Variants in CHCHD6 observed in about 807,000 individuals in gnomAD.
The protein encoded by CHCHD6 is MICOS complex subunit MIC25.
CHCHD6 carries 28 observed loss-of-function variants against 32.3 expected under a neutral mutation model. The observed-to-expected ratio is 0.87, with a 90% confidence interval of 0.64 to 1.19. The LOEUF (loss-of-function observed/expected upper bound fraction) is 1.19. Among genes scored for constraint, CHCHD6 ranks in the 50% most tolerant of loss-of-function variants. The pLI is 0.00. For missense variants in CHCHD6, 333 were observed against 307.0 expected (o/e 1.08, Z -0.63); for synonymous variants, 122 against 117.5 (o/e 1.04, Z -0.25).
At chr3:126,798,658 A>G (rs1199277743) in intron 4 of CHCHD6, among the ~76,000 whole-genome samples, 2 of 152,052 alleles carry the variant, frequency 1.3e-5, no homozygotes, top group African/African-American at 4.8e-5. Flanking sequence ...GGGCTCCTCA[A>G]AGCAGCGGCT....
intron 4 of CHCHD6, among the ~76,000 whole-genome samples, chr3:126,756,085 G>A (rs1936946568): frequency 6.6e-6 from 1 of 152,120 alleles, no homozygotes; most frequent in South Asian, 2.1e-4. Flanking sequence ...CTGTCTGTAG[G>A]TACTGGTGCT....
chr3:126,744,989 A>G (rs1201671540), intron 4 of CHCHD6, among the ~76,000 whole-genome samples: 3 of 152,076 alleles, frequency 2.0e-5, no homozygotes, highest in South Asian at 2.1e-4. Context: ...CATCACATCA[A>G]TTTTCCAGTC....
chr3:126,898,367 C>T (rs2077871338), intron 5 of CHCHD6, among the ~76,000 whole-genome samples: 1 of 152,222 alleles, frequency 6.6e-6, no homozygotes, highest in Non-Finnish European at 1.5e-5. Flanking sequence ...CTGAGTTGTG[C>T]TGGGCACAGT....
intron 1 of CHCHD6, among the ~76,000 whole-genome samples, chr3:126,716,648 A>C (rs35231122): frequency 0.045 from 6,781 of 152,210 alleles, 204 homozygotes; most frequent in Non-Finnish European, 0.064. Context: ...CGGTGTGCTA[A>C]GCCCTGAAGA....
intron 4 of CHCHD6, chr3:126,766,649 G>A: frequency 9.7e-7 from 1 of 1,026,294 alleles, no homozygotes; most frequent in Non-Finnish European, 1.5e-6. Flanking sequence ...CCCAGCTATG[G>A]TGCTCTCTCG....
rs183646786 is a variant in CHCHD6, at chr3:126,801,220, C to T, written c.412-51427C>T. Among the ~76,000 whole-genome samples, 66 of 152,316 alleles carry T rather than the reference C, an allele frequency of 4.3e-4. 1 individual carries two copies. The East Asian group carries it at 7.3e-3, about 17-fold the overall frequency. The stretch of plus-strand genomic sequence containing the variant: ...TGCCAGACAGTGGGCGCAGGACAGG[C>T]GGTGCAGCGCACCGTGCGCAAGCCG... On this transcript the variant is annotated intron_variant, in intron 4 of 7. Coordinates refer to ENST00000290913, the MANE Select transcript of CHCHD6 (RefSeq NM_032343.3).
intron 5 of CHCHD6, among the ~76,000 whole-genome samples, chr3:126,894,114 A>G (rs1201628049): frequency 1.3e-5 from 2 of 152,264 alleles, no homozygotes; most frequent in African/African-American, 2.4e-5. Flanking sequence ...AGGCAGCTGC[A>G]TCATGGTAAC....
At chr3:126,823,227 T>C (rs926822053) in intron 4 of CHCHD6, among the ~76,000 whole-genome samples, 1 of 152,212 alleles carries the variant, frequency 6.6e-6, no homozygotes, top group Admixed American at 6.5e-5. Context: ...AATTTTGTTT[T>C]GTTTAAATCA....
At chr3:126,791,264 G>GGGGT (rs1938526119) in intron 4 of CHCHD6, among the ~76,000 whole-genome samples, 1 of 152,226 alleles carries the variant, frequency 6.6e-6, no homozygotes, top group Admixed American at 6.5e-5. Context: ...AGGCTCCTTG[G>GGGGT]CGGTCAGGGA....
chr3:126,753,404 G>T (rs1170933053), intron 4 of CHCHD6, among the ~76,000 whole-genome samples: 1 of 152,222 alleles, frequency 6.6e-6, no homozygotes, highest in Non-Finnish European at 1.5e-5. Flanking sequence ...TGAGGCACTC[G>T]TAGCTGGGTG....
rs1350198017 is a variant in CHCHD6, at chr3:126,806,114, A to G, written c.412-46533A>G. 4.9e-3 allele frequency among the ~76,000 whole-genome samples: 745 copies of G among 152,044 alleles called. 4 individuals are homozygous for G. Among genetic ancestry groups the G allele is most frequent in the Non-Finnish European group, 5.9e-3 (397 of 67,856 alleles). ...ATAAAAACCCTAGAAGAAAACCTAGACATTACCATTCAGGACATAGGCATG... is the reference window on the plus strand; with the variant it reads ...ATAAAAACCCTAGAAGAAAACCTAGGCATTACCATTCAGGACATAGGCATG... On this transcript the variant is annotated intron_variant, in intron 4 of 7. Coordinates refer to ENST00000290913, the MANE Select transcript of CHCHD6 (RefSeq NM_032343.3).
intron 4 of CHCHD6, among the ~76,000 whole-genome samples, chr3:126,772,985 G>C (rs1369826350): frequency 6.6e-6 from 1 of 151,990 alleles, no homozygotes; most frequent in Non-Finnish European, 1.5e-5. Flanking sequence ...CTTTACTTAT[G>C]AAGCTTAGTT....
At chr3:126,931,186 G>A (rs1242382543) in intron 6 of CHCHD6, among the ~76,000 whole-genome samples, 1 of 152,202 alleles carries the variant, frequency 6.6e-6, no homozygotes, top group Non-Finnish European at 1.5e-5. Context: ...CCGCACCCCT[G>A]GGGACACCCT....
intron 5 of CHCHD6, among the ~76,000 whole-genome samples, chr3:126,904,375 C>G (rs1280793483): frequency 6.6e-6 from 1 of 152,228 alleles, no homozygotes; most frequent in Non-Finnish European, 1.5e-5. Context: ...CACCCAAACA[C>G]TTGTCTTGGC....
At chr3:126,852,899 A>G (rs1484672802) in intron 5 of CHCHD6, among the ~76,000 whole-genome samples, 169 bp downstream of exon 5, 1 of 152,168 alleles carries the variant, frequency 6.6e-6, no homozygotes, top group Admixed American at 6.5e-5. Context: ...AGGCACCCAA[A>G]TAGAGCCTTT....
chr3:126,758,339 G>A (rs762878710), intron 4 of CHCHD6, among the ~76,000 whole-genome samples: 3 of 152,206 alleles, frequency 2.0e-5, no homozygotes, highest in Admixed American at 6.5e-5. Context: ...CCACTTGTCT[G>A]TATGTTTAAT....
At chr3:126,894,937 A>T (rs1300310637) in intron 5 of CHCHD6, among the ~76,000 whole-genome samples, 1 of 152,238 alleles carries the variant, frequency 6.6e-6, no homozygotes, top group Admixed American at 6.5e-5. Flanking sequence ...GCAAAATTGA[A>T]CACCTCTTTT....
At chr3:126,812,617 A>T (rs1939711773) in intron 4 of CHCHD6, among the ~76,000 whole-genome samples, 1 of 150,840 alleles carries the variant, frequency 6.6e-6, no homozygotes, top group Non-Finnish European at 1.5e-5. Flanking sequence ...TTTTTAGTAG[A>T]GGTGGGGTTT....
intron 6 of CHCHD6, among the ~76,000 whole-genome samples, chr3:126,927,121 G>T (rs1454546718): frequency 6.6e-6 from 1 of 152,208 alleles, no homozygotes; most frequent in African/African-American, 2.4e-5. Flanking sequence ...CCTGACTACT[G>T]TGAGATTCTG....
Sources: gnomAD v4.1 joint callset for allele counts (sites outside exome capture counted in the v4.1 genomes callset) on GRCh38, gnomAD v4.1.1 for gene constraint, MANE v1.5 for transcripts, NCBI Gene and HGNC (gene_info 2026-07-23, HGNC 2026-07-21) for gene names.